Variants in SVBP observed in about 807,000 individuals in gnomAD.
SVBP encodes the protein small vasohibin-binding protein.
A neutral mutation model predicts 9.2 loss-of-function variants in SVBP; 9 were observed. The ratio of observed to expected loss-of-function variants is 0.98; its 90% CI spans 0.59 to 1.71. The LOEUF (loss-of-function observed/expected upper bound fraction) is 1.71, where lower values mean the gene tolerates loss of function less well. Among genes scored for constraint, SVBP ranks in the 40% most tolerant of loss-of-function variants. The pLI is 0.00. For synonymous variants in SVBP, 27 were observed against 23.9 expected (o/e 1.13, Z -0.37); for missense variants, 63 against 73.2 (o/e 0.86, Z 0.51).
rs775964209 is a variant in SVBP at position 42,817,290 on chromosome 1, C to T, written c.-137G>A. On this transcript the variant is annotated 5_prime_UTR_variant, in exon 1 of 3. Transcript: ENST00000372521. ...CTTCCCCCGACCACTGGACCCAGCGCTGCCTGCCCACCGCCCCTCGTCCTG... is the reference window on the plus strand; with the variant it reads ...CTTCCCCCGACCACTGGACCCAGCGTTGCCTGCCCACCGCCCCTCGTCCTG... 1.0e-4 allele frequency: 125 copies of T among 1,213,394 alleles called. No homozygotes were observed. The highest frequency in any genetic ancestry group is 1.3e-4 in the Non-Finnish European group (119 of 944,584). The allele number at this position is 1,213,394 out of a possible 1,614,324, so 75.2% of individuals were successfully genotyped here. A position where few individuals can be genotyped will look rare whatever the true frequency, so the allele number is the denominator to read the frequency against.
intron 2 of SVBP, among the ~76,000 whole-genome samples, chr1:42,810,623 T>C (rs1654063907): frequency 6.6e-6 from 1 of 151,920 alleles, no homozygotes; most frequent in South Asian, 2.1e-4. Context: ...TCACAATGGG[T>C]CAGGGTGTCC....
At position 42,807,145 on chromosome 1, in the gene SVBP, T is replaced by TG; in HGVS notation, c.*268_*269insC. The TG allele has an allele frequency of 3.9e-6, 1 of 256,752 alleles. No individual in the cohort carries two copies. The highest frequency in any genetic ancestry group is 7.0e-6 in the Non-Finnish European group (1 of 143,370). The allele number at this position is 256,752 out of a possible 1,614,324, so 15.9% of individuals were successfully genotyped here. On this transcript the variant is annotated 3_prime_UTR_variant, in exon 3 of 3. Transcript: ENST00000372521. ...TCTCAAACAATAGAAAAAGTGTTTTTTGTGTGTGTTTTTTTTTTTTTTTTA... is the reference window on the plus strand; with the variant it reads ...TCTCAAACAATAGAAAAAGTGTTTTTGTGTGTGTGTTTTTTTTTTTTTTTTA...
chr1:42,810,125 TACACACACAC>T (rs60221264), intron 2 of SVBP, among the ~76,000 whole-genome samples: 9 of 141,032 alleles, frequency 6.4e-5, no homozygotes, highest in Admixed American at 1.4e-4. Flanking sequence ...CATACATACA[TACACACACAC>T]ACACACACAC....
chr1:42,811,712 G>A (rs1654088125), intron 2 of SVBP, among the ~76,000 whole-genome samples: 2 of 152,160 alleles, frequency 1.3e-5, no homozygotes, highest in African/African-American at 4.8e-5. Context: ...ATTTTACCAA[G>A]GAGGAACTGA....
chr1:42,814,615 CA>C (rs34903453), intron 2 of SVBP, among the ~76,000 whole-genome samples: 147,962 of 150,810 alleles, frequency 0.98, 72,656 homozygotes, highest in East Asian at 1. Context: ...GACTCCGTCT[CA>C]AAAAAAAAAG....
intron 2 of SVBP, among the ~76,000 whole-genome samples, chr1:42,815,711 T>C (rs138763074): frequency 6.6e-6 from 1 of 152,152 alleles, no homozygotes; most frequent in South Asian, 2.1e-4. Flanking sequence ...AAATGCAAAA[T>C]AAAATGCAGG....
chr1:42,808,164 TATATATATATATATAC>T (rs1248482904), intron 2 of SVBP, among the ~76,000 whole-genome samples: 74 of 129,394 alleles, frequency 5.7e-4, no homozygotes, highest in South Asian at 2.4e-3. Flanking sequence ...TATATATATA[TATATATATATATATAC>T]ATACTATGTA....
In SVBP at chr1:42,807,169, T is replaced by TTTA. The variant is rs1553147635; in HGVS notation, c.*244_*245insTAA. 3,076 of 268,646 alleles carry TTTA rather than the reference T, an allele frequency of 0.011. 86 individuals carry two copies. Among genetic ancestry groups the TTTA allele is most frequent in the African/African-American group, 0.064 (2,827 of 44,386 alleles). 16.6% of individuals were successfully genotyped at this position (268,646 alleles called of 1,614,324 possible). A position where few individuals can be genotyped will look rare whatever the true frequency, so the allele number is the denominator to read the frequency against. ...TTTGTGTGTGTTTTTTTTTTTTTTTTAAAAAAACCCAAAAAACAAAACCAC... is the reference window on the plus strand; with the variant it reads ...TTTGTGTGTGTTTTTTTTTTTTTTTTTTAAAAAAAACCCAAAAAACAAAACCAC... On this transcript the variant is annotated 3_prime_UTR_variant, in exon 3 of 3. Coordinates refer to ENST00000372521, the MANE Select transcript of SVBP (RefSeq NM_199342.4).
intron 2 of SVBP, among the ~76,000 whole-genome samples, chr1:42,810,230 C>A (rs1654054555): frequency 6.6e-6 from 1 of 152,092 alleles, no homozygotes; most frequent in Non-Finnish European, 1.5e-5. Context: ...CTCACTGCAA[C>A]CTCCGCCTCC....
intron 2 of SVBP, among the ~76,000 whole-genome samples, chr1:42,812,515 G>A (rs1654103342): frequency 6.6e-6 from 1 of 152,156 alleles, no homozygotes; most frequent in African/African-American, 2.4e-5. Flanking sequence ...CATCACTGGG[G>A]ACAGTAGCAA....
rs1553147635 is a variant in SVBP at position 42,807,169 on chromosome 1, T to TTTTA, written c.*244_*245insTAAA. 32 of 268,734 alleles carry TTTTA rather than the reference T, an allele frequency of 1.2e-4. No individual in the cohort carries two copies. The highest frequency in any genetic ancestry group is 6.1e-4 in the African/African-American group (27 of 44,444). The allele number at this position is 268,734 out of a possible 1,614,324, so 16.6% of individuals were successfully genotyped here. On this transcript the variant is annotated 3_prime_UTR_variant, in exon 3 of 3. Transcript: ENST00000372521. ...TTTGTGTGTGTTTTTTTTTTTTTTTTAAAAAAACCCAAAAAACAAAACCAC... is the reference window on the plus strand; with the variant it reads ...TTTGTGTGTGTTTTTTTTTTTTTTTTTTTAAAAAAAACCCAAAAAACAAAACCAC...
chr1:42,807,622 C>T, intron 2 of SVBP, 122 bp from the exon 3 acceptor site: 1 of 720,038 alleles, frequency 1.4e-6, no homozygotes, highest in East Asian at 2.5e-5. Flanking sequence ...AATGCAGGGA[C>T]AGTGCTCTGG....
At chr1:42,812,786 G>A (rs1423726853) in intron 2 of SVBP, among the ~76,000 whole-genome samples, 29 of 152,146 alleles carry the variant, frequency 1.9e-4, no homozygotes, top group Admixed American at 1.9e-3. Flanking sequence ...AGCTGGGTTT[G>A]CAGAATGTCC....
At chr1:42,816,756 C>T in intron 1 of SVBP, 176 bp from the exon 2 acceptor site, 1 of 517,536 alleles carries the variant, frequency 1.9e-6, no homozygotes, top group Non-Finnish European at 3.4e-6. Flanking sequence ...GCCACAACCT[C>T]GCTGGGTGTC....
chr1:42,814,912 T>C (rs1360061841), intron 2 of SVBP, among the ~76,000 whole-genome samples: 1 of 152,102 alleles, frequency 6.6e-6, no homozygotes, highest in African/African-American at 2.4e-5. Context: ...TAAAGACACA[T>C]GCACACGTAT....
Position 42,817,332 on chromosome 1 carries a change from G to C in SVBP, c.-179C>G, listed in dbSNP as rs941661741. 60 of 1,014,386 alleles carry C rather than the reference G, an allele frequency of 5.9e-5. No homozygotes were observed. The highest frequency in any genetic ancestry group is 7.4e-5 in the Non-Finnish European group (58 of 786,154). 62.8% of individuals were successfully genotyped at this position (1,014,386 alleles called of 1,614,324 possible). A position where few individuals can be genotyped will look rare whatever the true frequency, so the allele number is the denominator to read the frequency against. The stretch of plus-strand genomic sequence containing the variant: ...CTCGTCCTGGGCGGGGCCGCGCGCC[G>C]GGGGGAGGGGCGCAGGGCCGAGCGC... On this transcript the variant is annotated 5_prime_UTR_variant, in exon 1 of 3. Coordinates refer to ENST00000372521, the MANE Select transcript of SVBP (RefSeq NM_199342.4).
chr1:42,810,731 C>A (rs1654066838), intron 2 of SVBP, among the ~76,000 whole-genome samples: 1 of 152,122 alleles, frequency 6.6e-6, no homozygotes, highest in Non-Finnish European at 1.5e-5. Context: ...ATTCACCTCC[C>A]ACATCTCTCC....
At chr1:42,810,441 C>T (rs532741173) in intron 2 of SVBP, among the ~76,000 whole-genome samples, 2 of 152,112 alleles carry the variant, frequency 1.3e-5, no homozygotes, top group South Asian at 2.1e-4. Context: ...CCACTGTGCC[C>T]GGGCCCACAT....
intron 2 of SVBP, among the ~76,000 whole-genome samples, chr1:42,810,236 C>T (rs1303343376): frequency 6.6e-6 from 1 of 152,116 alleles, no homozygotes; most frequent in East Asian, 1.9e-4. Context: ...GCAACCTCCG[C>T]CTCCTGGTTC....
Sources: allele counts gnomAD v4.1 joint callset (sites outside exome capture counted in the v4.1 genomes callset), GRCh38; gene constraint gnomAD v4.1.1; transcripts MANE v1.5; gene names NCBI Gene and HGNC (gene_info 2026-07-23, HGNC 2026-07-21).